GRHL2: variants seen among roughly 807,000 people sequenced by gnomAD.
The protein encoded by GRHL2 is grainyhead-like protein 2 homolog.
In GRHL2, 21 loss-of-function variants were observed where a neutral mutation model predicts 83.8. The ratio of observed to expected loss-of-function variants is 0.25; its 90% CI spans 0.18 to 0.36. The LOEUF (loss-of-function observed/expected upper bound fraction) is 0.36. Among genes scored for constraint, GRHL2 ranks in the 10% least tolerant of loss-of-function variants. The pLI is 1.00. For missense variants in GRHL2, 623 were observed against 781.8 expected (o/e 0.80, Z 2.42); for synonymous variants, 280 against 278.9 (o/e 1.00, Z -0.04).
At chr8:101,627,889 C>G (rs548280508) in intron 9 of GRHL2, among the ~76,000 whole-genome samples, 1 of 152,122 alleles carries the variant, frequency 6.6e-6, no homozygotes, top group African/African-American at 2.4e-5. Context: ...GAGCAAGGCC[C>G]TAACTCTTTT....
chr8:101,582,092 G>T (rs1812064948), intron 7 of GRHL2, among the ~76,000 whole-genome samples: 1 of 152,076 alleles, frequency 6.6e-6, no homozygotes, highest in South Asian at 2.1e-4. Context: ...ATAAAAATTA[G>T]CCGGACGTGG....
chr8:101,560,516 G>A (rs1158341326), intron 4 of GRHL2, among the ~76,000 whole-genome samples: 6 of 152,156 alleles, frequency 3.9e-5, no homozygotes, highest in Non-Finnish European at 7.3e-5. Context: ...TTTCTCTCGG[G>A]TAAATACCTA....
chr8:101,657,709 G>T (rs1422331958), intron 14 of GRHL2, among the ~76,000 whole-genome samples: 2 of 151,750 alleles, frequency 1.3e-5, no homozygotes, highest in African/African-American at 4.8e-5. Flanking sequence ...GTGTGGTGGC[G>T]GGCGCCTATA....
At chr8:101,658,150 C>T (rs774312964) in intron 14 of GRHL2, among the ~76,000 whole-genome samples, 5 of 152,204 alleles carry the variant, frequency 3.3e-5, no homozygotes, top group Non-Finnish European at 7.3e-5. Flanking sequence ...TTGCAAGCTG[C>T]CTTTGATGCT....
chr8:101,680,073 C>A, the GRHL2 span, among the ~76,000 whole-genome samples: 1 of 118,610 alleles, frequency 8.4e-6, no homozygotes, highest in Non-Finnish European at 1.7e-5. Context: ...TCACACATAA[C>A]AATATTAACC....
At chr8:101,619,197 G>A (rs1812914237) in intron 8 of GRHL2, among the ~76,000 whole-genome samples, 1 of 152,104 alleles carries the variant, frequency 6.6e-6, no homozygotes. Context: ...AGGTTGCAGT[G>A]AGCTGAGATC....
At chr8:101,541,090 A>G (rs568122006) in intron 1 of GRHL2, among the ~76,000 whole-genome samples, 1 of 150,984 alleles carries the variant, frequency 6.6e-6, no homozygotes, top group African/African-American at 2.4e-5. Context: ...CAGTTCCGTC[A>G]CTGTTGCTGC....
At chr8:101,516,698 C>T (rs1810579838) in intron 1 of GRHL2, among the ~76,000 whole-genome samples, 1 of 152,330 alleles carries the variant, frequency 6.6e-6, no homozygotes, top group East Asian at 1.9e-4. Flanking sequence ...TGAGCCACCG[C>T]ACCCGGACCT....
At chr8:101,572,987 G>A (rs1811857815) in intron 5 of GRHL2, among the ~76,000 whole-genome samples, 1 of 152,210 alleles carries the variant, frequency 6.6e-6, no homozygotes, top group Non-Finnish European at 1.5e-5. Flanking sequence ...GAGTGCAGCT[G>A]TGTTCCAATA....
chr8:101,654,372 ATAG>A (rs1208487331), intron 14 of GRHL2, among the ~76,000 whole-genome samples: 3 of 152,264 alleles, frequency 2.0e-5, no homozygotes, highest in African/African-American at 7.2e-5. Flanking sequence ...CTTAACACAT[ATAG>A]TCAGTAGATC....
intron 14 of GRHL2, among the ~76,000 whole-genome samples, chr8:101,661,321 T>A (rs537547400): frequency 6.6e-6 from 1 of 152,270 alleles, no homozygotes; most frequent in Admixed American, 6.5e-5. Context: ...TAGTTTGGTG[T>A]CTCCATTTGG....
intron 1 of GRHL2, among the ~76,000 whole-genome samples, chr8:101,501,354 T>C (rs1186272195): frequency 1.3e-5 from 2 of 152,236 alleles, no homozygotes; most frequent in Non-Finnish European, 2.9e-5. Flanking sequence ...TTGTGGCTTC[T>C]CTTTATTTTG....
chr8:101,645,754 A>G (rs1387374378), intron 13 of GRHL2, among the ~76,000 whole-genome samples: 3 of 151,996 alleles, frequency 2.0e-5, no homozygotes, highest in Admixed American at 6.5e-5. Flanking sequence ...TAGTTTTATT[A>G]TTAGTAACTA....
At chr8:101,588,240 A>C (rs955831710) in intron 7 of GRHL2, among the ~76,000 whole-genome samples, 1 of 152,162 alleles carries the variant, frequency 6.6e-6, no homozygotes, top group Non-Finnish European at 1.5e-5. Context: ...GTTGCTGTGG[A>C]CTCAAGTCCA....
At chr8:101,585,898 C>G (rs1342439345) in intron 7 of GRHL2, among the ~76,000 whole-genome samples, 1 of 151,974 alleles carries the variant, frequency 6.6e-6, no homozygotes, top group Non-Finnish European at 1.5e-5. Flanking sequence ...AGGCTAGTAT[C>G]TCGGGAAAAT....
At chr8:101,678,059 C>T in the GRHL2 span, among the ~76,000 whole-genome samples, 5 of 152,210 alleles carry the variant, frequency 3.3e-5, no homozygotes, top group South Asian at 2.1e-4. Context: ...ACACTTCCGG[C>T]GAAGACAAGC....
At chr8:101,561,932 A>G (rs375911612) in intron 4 of GRHL2, 2 of 552,648 alleles carry the variant, frequency 3.6e-6, no homozygotes, top group African/African-American at 1.9e-5. Context: ...AAAAATAATA[A>G]TTTAGCAGTT....
At chr8:101,628,544 C>A (rs970688107) in intron 9 of GRHL2, among the ~76,000 whole-genome samples, 1 of 152,034 alleles carries the variant, frequency 6.6e-6, no homozygotes, top group South Asian at 2.1e-4. Flanking sequence ...GCCCATGGAT[C>A]GAGGAATAAT....
chr8:101,518,954 C>T (rs1211785961), intron 1 of GRHL2, among the ~76,000 whole-genome samples: 1 of 152,130 alleles, frequency 6.6e-6, no homozygotes, highest in East Asian at 1.9e-4. Flanking sequence ...TTCCATTTCC[C>T]CCACTGGCCT....
Sources: allele counts gnomAD v4.1 joint callset (sites outside exome capture counted in the v4.1 genomes callset), GRCh38; gene constraint gnomAD v4.1.1; transcripts MANE v1.5; gene names NCBI Gene and HGNC (gene_info 2026-07-23, HGNC 2026-07-21).